Variants in ZFP64 observed in about 807,000 individuals in gnomAD.
ZFP64 encodes the protein zinc finger protein 64.
A neutral mutation model predicts 51.6 loss-of-function variants in ZFP64; 14 were observed. The observed-to-expected ratio is 0.27, with a 90% CI of 0.18 to 0.42. The LOEUF (loss-of-function observed/expected upper bound fraction) is 0.42, where lower values mean the gene tolerates loss of function less well. ZFP64 is among the 10% of genes least tolerant of loss of function. ZFP64 has a pLI of 1.00. For synonymous variants in ZFP64, 375 were observed against 361.4 expected (o/e 1.04, Z -0.43); for missense variants, 754 against 906.8 (o/e 0.83, Z 2.16).
At position 52,109,780 on chromosome 20, in the gene ZFP64, CAAAAAAA is replaced by C. The variant is rs779914417; in HGVS notation, c.764-11200_764-11194del. ...TGGGTGACACAGCGAAATTCCACCTCAAAAAAAAAAAAAAAAAAAAAAGAAAAAAATT... is the reference window on the plus strand; with the variant it reads ...TGGGTGACACAGCGAAATTCCACCTCAAAAAAAAAAAAAAAGAAAAAAATT... On this transcript the variant is annotated intron_variant, in intron 5 of 8. Coordinates refer to the ZFP64 transcript ENST00000361387. Among the ~76,000 whole-genome samples, 372 of 46,132 alleles carry C rather than the reference CAAAAAAA, an allele frequency of 8.1e-3. 1 individual carries two copies. The highest frequency in any genetic ancestry group is 0.026 in the African/African-American group (344 of 13,342). 30.3% of individuals were successfully genotyped at this position (46,132 alleles called of 152,430 possible).
At chr20:52,108,861 AACACACACACACACACACACACAC>A (rs57127987) in intron 5 of ZFP64, among the ~76,000 whole-genome samples, 2 of 139,662 alleles carry the variant, frequency 1.4e-5, no homozygotes, top group Admixed American at 1.5e-4. Flanking sequence ...GAAAATCTGA[AACACACACACACACACACACACAC>A]ACACACACAC....
chr20:52,094,502 T>C (rs1242113952), intron 7 of ZFP64, among the ~76,000 whole-genome samples: 5 of 151,658 alleles, frequency 3.3e-5, no homozygotes, highest in African/African-American at 1.2e-4. Flanking sequence ...GGCTCACGCC[T>C]GTAATCCCAG....
chr20:52,084,693 T>C (rs1335677084), exon 9 of ZFP64: 1 of 1,614,248 alleles, frequency 6.2e-7, no homozygotes, highest in Admixed American at 1.7e-5. Flanking sequence ...ATCACTGTGC[T>C]GCTTCTTGTG....
At position 52,104,686 on chromosome 20, in the gene ZFP64, T is replaced by C. The variant is rs770973366; in HGVS notation, c.764-6099A>G. 3.2e-5 allele frequency: 15 copies of C among 473,964 alleles called. No individual in the cohort carries two copies. In the Admixed American group the frequency reaches 3.5e-4, roughly 11 times the overall value. The allele number at this position is 473,964 out of a possible 1,614,324, so 29.4% of individuals were successfully genotyped here. ...CTCGCTCCCTCCCATCCTTCGGGTCTTCGCTCGAACGTCCGCTCCTCGGTG... is the reference window on the plus strand; with the variant it reads ...CTCGCTCCCTCCCATCCTTCGGGTCCTCGCTCGAACGTCCGCTCCTCGGTG... On this transcript the variant is annotated intron_variant, in intron 5 of 8. Coordinates refer to the ZFP64 transcript ENST00000361387.
At chr20:52,172,030 A>G (rs761858192) in intron 2 of ZFP64, among the ~76,000 whole-genome samples, 8 of 152,186 alleles carry the variant, frequency 5.3e-5, no homozygotes, top group Non-Finnish European at 1.2e-4. Flanking sequence ...TACAGGCGTG[A>G]GCCACCGCGC....
intron 5 of ZFP64, among the ~76,000 whole-genome samples, chr20:52,142,378 A>ACACACACACACACACACGCG (rs1555804622): frequency 5.2e-5 from 2 of 38,350 alleles, no homozygotes; most frequent in African/African-American, 1.9e-4. Context: ...ACACACACAG[A>ACACACACACACACACACGCG]CACACACACA....
At chr20:52,099,922 A>G (rs1036901554) in intron 5 of ZFP64, among the ~76,000 whole-genome samples, 1 of 152,244 alleles carries the variant, frequency 6.6e-6, no homozygotes, top group African/African-American at 2.4e-5. Flanking sequence ...AGCAAAGATT[A>G]AGTACTAGAA....
downstream of ZFP64, among the ~76,000 whole-genome samples, chr20:52,149,111 C>G (rs1270377257): frequency 6.6e-6 from 1 of 152,102 alleles, no homozygotes; most frequent in East Asian, 1.9e-4. Flanking sequence ...TAGGGGAGTG[C>G]ACAAAGGCCA....
intron 5 of ZFP64, among the ~76,000 whole-genome samples, chr20:52,103,830 C>T (rs927700069): frequency 2.0e-5 from 3 of 152,234 alleles, no homozygotes; most frequent in African/African-American, 7.2e-5. Flanking sequence ...GTTATGGTAG[C>T]TCCACTCGAG....
At chr20:52,145,972 C>T (rs1336326267) in intron 5 of ZFP64, among the ~76,000 whole-genome samples, 1 of 152,164 alleles carries the variant, frequency 6.6e-6, no homozygotes. Flanking sequence ...TAATAACACT[C>T]AGCTTAAAAC....
At chr20:52,105,274 T>G (rs1459312646) in intron 5 of ZFP64, 2 of 1,301,798 alleles carry the variant, frequency 1.5e-6, no homozygotes, top group African/African-American at 1.5e-5. Context: ...TCCCTAGGAG[T>G]GGCCTACTTC....
chr20:52,120,158 G>A (rs1244725339), intron 5 of ZFP64, among the ~76,000 whole-genome samples: 2 of 152,106 alleles, frequency 1.3e-5, no homozygotes, highest in Non-Finnish European at 1.5e-5. Flanking sequence ...GAGAAAGTGG[G>A]GTCCTTGCCA....
At chr20:52,093,376 G>T (rs966593676) in intron 7 of ZFP64, among the ~76,000 whole-genome samples, 1 of 152,172 alleles carries the variant, frequency 6.6e-6, no homozygotes, top group Non-Finnish European at 1.5e-5. Context: ...CTGACCTCAG[G>T]TGATCTGCCT....
chr20:52,165,716 C>G (rs1464286261), intron 3 of ZFP64, 148 bp downstream of exon 3: 1 of 1,035,050 alleles, frequency 9.7e-7, no homozygotes, highest in East Asian at 2.5e-5. Flanking sequence ...GTTGTATGTG[C>G]TGATGTAAAT....
intron 2 of ZFP64, among the ~76,000 whole-genome samples, chr20:52,172,207 GTGTGTGTGTGTGTT>G: frequency 2.7e-5 from 4 of 146,642 alleles, no homozygotes; most frequent in Non-Finnish European, 4.4e-5. Context: ...GTGTGTTGGT[GTGTGTGTGTGTGTT>G]TGTGTGTGTG....
At chr20:52,165,375 G>A in intron 3 of ZFP64, 1 of 454,814 alleles carries the variant, frequency 2.2e-6, no homozygotes, top group Non-Finnish European at 4.4e-6. Context: ...CAAATGGTTT[G>A]GGGAAAACTA....
chr20:52,094,857 C>T (rs1458486267), intron 7 of ZFP64, among the ~76,000 whole-genome samples: 3 of 152,174 alleles, frequency 2.0e-5, no homozygotes, highest in Non-Finnish European at 2.9e-5. Context: ...TTGGTTTTAA[C>T]TTGAAAGTGA....
chr20:52,088,443 A>G (rs777081948), exon 8 of ZFP64: 1 of 1,614,116 alleles, frequency 6.2e-7, no homozygotes, highest in Non-Finnish European at 8.5e-7. Flanking sequence ...CGGCTGGCAT[A>G]GGGGCAGAGC....
intron 5 of ZFP64, among the ~76,000 whole-genome samples, chr20:52,128,912 T>G (rs565731136): frequency 7.2e-6 from 1 of 138,632 alleles, no homozygotes; most frequent in Non-Finnish European, 1.6e-5. Flanking sequence ...GACCTTTTTT[T>G]AAATTTTCTT....
Sources: gnomAD v4.1 joint callset for allele counts (sites outside exome capture counted in the v4.1 genomes callset) on GRCh38, gnomAD v4.1.1 for gene constraint, MANE v1.5 for transcripts, NCBI Gene and HGNC (gene_info 2026-07-23, HGNC 2026-07-21) for gene names.